Variants in ZNF469 observed in about 807,000 individuals in gnomAD.
ZNF469 encodes the protein zinc finger protein 469.
Under a neutral mutation model 1.0 loss-of-function variants are expected in ZNF469, and 1 was observed. The observed-to-expected ratio is 1.00, with a 90% CI of 0.35 to 4.73. The LOEUF is 4.73. Among genes scored for constraint, ZNF469 ranks in the 30% most tolerant of loss-of-function variants. The pLI, the probability that ZNF469 is intolerant of heterozygous loss-of-function variation, is 0.16. For missense variants in ZNF469, 6,100 were observed against 5,356.3 expected, an observed-to-expected ratio of 1.14 and a Z score of -4.33; for synonymous variants, 2,703 against 2,363.4, an observed-to-expected ratio of 1.14 and a Z score of -4.17.
chr16:88,119,933 G>C, the ZNF469 span, among the ~76,000 whole-genome samples: 1,604 of 152,340 alleles, frequency 0.011, 27 homozygotes, highest in African/African-American at 0.035. Flanking sequence ...CGTCTGTGGA[G>C]TCCTGGCCCG....
the ZNF469 span, among the ~76,000 whole-genome samples, chr16:88,251,286 T>A: frequency 6.6e-6 from 1 of 152,252 alleles, no homozygotes; most frequent in African/African-American, 2.4e-5. Flanking sequence ...GGGAATCATT[T>A]GTTCTTGAGC....
Position 88,439,267 on chromosome 16 carries a change from AGCCAGCTCTTCG to A in ZNF469, c.11799_11810del (p.Ser3933_Gly3937delinsArg). The A allele has an allele frequency of 6.4e-7, 1 of 1,550,516 alleles. No homozygotes were observed. Among genetic ancestry groups the A allele is most frequent in the Non-Finnish European group, 8.7e-7 (1 of 1,147,000 alleles). The stretch of plus-strand genomic sequence containing the variant: ...GGCCGAGGCCCAGAGTGACCTCCTC[AGCCAGCTCTTCG>A]GGCAGAGACTAACTGGCTTCAAAAT... On this transcript the variant is annotated inframe_deletion, in exon 3 of 3. Transcript: ENST00000565624.
At chr16:88,103,104 C>T in the ZNF469 span, among the ~76,000 whole-genome samples, 1 of 152,284 alleles carries the variant, frequency 6.6e-6, no homozygotes, top group African/African-American at 2.4e-5. Flanking sequence ...CATGTGTCCA[C>T]TGCAGTGGCC....
chr16:88,281,264 G>A, the ZNF469 span, among the ~76,000 whole-genome samples: 5 of 125,350 alleles, frequency 4.0e-5, no homozygotes, highest in South Asian at 2.6e-4. Context: ...GGTCAGTACC[G>A]TGTCATTTTG....
the ZNF469 span, among the ~76,000 whole-genome samples, chr16:88,347,557 C>G: frequency 6.6e-6 from 1 of 152,202 alleles, no homozygotes; most frequent in African/African-American, 2.4e-5. Context: ...GCCTCCAGAA[C>G]TGTGACGATA....
chr16:88,407,955 T>G (rs1486425528), intron 1 of ZNF469, among the ~76,000 whole-genome samples: 1 of 152,212 alleles, frequency 6.6e-6, no homozygotes, highest in African/African-American at 2.4e-5. Flanking sequence ...AGTGCATGCA[T>G]CTGACACACG....
chr16:88,304,682 T>C, the ZNF469 span, among the ~76,000 whole-genome samples: 3 of 152,162 alleles, frequency 2.0e-5, no homozygotes, highest in African/African-American at 7.2e-5. Flanking sequence ...ACCCAATGCA[T>C]TCCTTCCCCC....
intron 1 of ZNF469, among the ~76,000 whole-genome samples, chr16:88,411,326 G>GC (rs1224161903): frequency 6.6e-6 from 1 of 152,138 alleles, no homozygotes; most frequent in Non-Finnish European, 1.5e-5. Flanking sequence ...CTGGGCCGAG[G>GC]CCTCCAGAGC....
At chr16:88,163,022 T>C in the ZNF469 span, among the ~76,000 whole-genome samples, 2 of 151,644 alleles carry the variant, frequency 1.3e-5, no homozygotes, top group Non-Finnish European at 2.9e-5. Context: ...GATGTGTGGA[T>C]TGATGGGTGG....
chr16:88,374,522 A>C, the ZNF469 span, among the ~76,000 whole-genome samples: 1 of 152,248 alleles, frequency 6.6e-6, no homozygotes, highest in Non-Finnish European at 1.5e-5. Context: ...AACTGAGTGA[A>C]TATTCATGCT....
Position 88,436,213 on chromosome 16 carries a change from T to C in ZNF469, c.8743T>C (p.Ser2915Pro). ...CCGCCTGCCCACGGACCTCAGCGACTCCAGCTCCCTCTGCCTCTGCCATGA... is the reference window on the plus strand; with the variant it reads ...CCGCCTGCCCACGGACCTCAGCGACCCCAGCTCCCTCTGCCTCTGCCATGA... ...PARLPTDLSD[S>P]SSLCLCHEDP... Residue 2915 changes from serine (S) to proline (P), a missense_variant, in exon 3 of 3, where the codon TCC becomes CCC. Coordinates refer to ENST00000565624, the MANE Select transcript of ZNF469 (RefSeq NM_001367624.2). 6.5e-7 allele frequency: 1 copy of C among 1,548,694 alleles called. No individual in the cohort carries two copies. The highest frequency in any genetic ancestry group is 1.4e-5 in the African/African-American group (1 of 73,150).
rs930346629 is a variant in ZNF469 at position 88,427,626 on chromosome 16, C to A, written c.156C>A (p.Gly52=). Residue 52 remains glycine (G), a synonymous_variant, in exon 3 of 3, where the codon GGC becomes GGA. Coordinates refer to ENST00000565624, the MANE Select transcript of ZNF469 (RefSeq NM_001367624.2). ...TRTTKGAREA[G]GQAQAMELPE... is the part of the protein sequence containing the mutation. ...CCACCAAGGGTGCCAGGGAGGCTGGCGGCCAGGCCCAGGCCATGGAGCTCC... is the reference window on the plus strand; with the variant it reads ...CCACCAAGGGTGCCAGGGAGGCTGGAGGCCAGGCCCAGGCCATGGAGCTCC... 2 of 1,537,238 alleles carry A rather than the reference C, an allele frequency of 1.3e-6. No individual in the cohort carries two copies. Among genetic ancestry groups the A allele is most frequent in the Non-Finnish European group, 1.7e-6 (2 of 1,146,454 alleles).
chr16:88,117,058 G>A, the ZNF469 span, among the ~76,000 whole-genome samples: 3 of 152,222 alleles, frequency 2.0e-5, no homozygotes, highest in Non-Finnish European at 2.9e-5. Flanking sequence ...ATGGCTTGGC[G>A]TGCTGCTGTG....
chr16:88,411,855 G>T (rs1242744293), intron 1 of ZNF469, among the ~76,000 whole-genome samples: 1 of 152,130 alleles, frequency 6.6e-6, no homozygotes, highest in Non-Finnish European at 1.5e-5. Flanking sequence ...GCCCACACCT[G>T]GGGTCCCCTT....
the ZNF469 span, among the ~76,000 whole-genome samples, chr16:88,275,694 G>A: frequency 0.013 from 2,034 of 152,262 alleles, 33 homozygotes; most frequent in African/African-American, 0.047. Flanking sequence ...CTTCTAAACC[G>A]GTGTTTGTCA....
chr16:88,152,406 C>T, the ZNF469 span, among the ~76,000 whole-genome samples: 4 of 152,130 alleles, frequency 2.6e-5, no homozygotes, highest in Non-Finnish European at 4.4e-5. The surrounding 1 kb of genome is among the most constrained non-coding windows in gnomAD (Gnocchi z 4.2). Context: ...GCTGCTTTTC[C>T]GTCTATGGTG....
the ZNF469 span, among the ~76,000 whole-genome samples, chr16:88,208,453 A>G: frequency 1.3e-3 from 172 of 127,592 alleles, 5 homozygotes; most frequent in South Asian, 0.05. Context: ...GCTTCAGTGA[A>G]GGAGTGTAAG....
the ZNF469 span, among the ~76,000 whole-genome samples, chr16:88,333,018 C>G: frequency 6.6e-6 from 1 of 152,212 alleles, no homozygotes; most frequent in Non-Finnish European, 1.5e-5. Context: ...CACTCTGGCA[C>G]CAGGACACAC....
At chr16:88,262,585 G>A in the ZNF469 span, among the ~76,000 whole-genome samples, 1 of 152,162 alleles carries the variant, frequency 6.6e-6, no homozygotes, top group South Asian at 2.1e-4. This position sits in a 1 kb window ranked among gnomAD's most constrained non-coding sequence, Gnocchi z 4.3. Context: ...CCACGGGCAG[G>A]AGCCTGCAGA....
Sources: allele counts gnomAD v4.1 joint callset (sites outside exome capture counted in the v4.1 genomes callset), GRCh38; gene constraint gnomAD v4.1.1; non-coding constraint Gnocchi (gnomAD v3.1); transcripts MANE v1.5; gene names NCBI Gene and HGNC (gene_info 2026-07-23, HGNC 2026-07-21).